Variants in ERG observed in about 807,000 individuals in gnomAD.
ERG encodes the protein transcriptional regulator ERG.
In ERG, 9 loss-of-function variants were observed where a neutral mutation model predicts 55.3. The ratio of observed to expected loss-of-function variants is 0.16; its 90% CI spans 0.10 to 0.28. The LOEUF (loss-of-function observed/expected upper bound fraction) is 0.28. ERG is among the 10% of genes least tolerant of loss of function. The pLI, the probability that ERG is intolerant of heterozygous loss-of-function variation, is 1.00. For synonymous variants in ERG, 223 were observed against 237.3 expected (o/e 0.94, Z 0.55); for missense variants, 434 against 631.6 (o/e 0.69, Z 3.35).
chr21:38,659,063 A>T (rs1186165299), intron 1 of ERG, among the ~76,000 whole-genome samples: 5 of 152,254 alleles, frequency 3.3e-5, no homozygotes, highest in Non-Finnish European at 5.9e-5. Context: ...AAGAAACTGG[A>T]ATTATAAGTG....
intron 3 of ERG, among the ~76,000 whole-genome samples, chr21:38,414,605 T>C (rs1005036228): frequency 1.3e-5 from 2 of 152,270 alleles, no homozygotes; most frequent in Non-Finnish European, 1.5e-5. Context: ...ATTATTATCA[T>C]CCATATTTTG....
chr21:38,413,193 T>G (rs572073007), intron 3 of ERG, among the ~76,000 whole-genome samples: 1 of 152,310 alleles, frequency 6.6e-6, no homozygotes, highest in Admixed American at 6.5e-5. Flanking sequence ...CTATTCTCAC[T>G]TTTTTCCTTA....
chr21:38,525,477 GA>G (rs1353086779), intron 2 of ERG, among the ~76,000 whole-genome samples: 1 of 152,106 alleles, frequency 6.6e-6, no homozygotes, highest in African/African-American at 2.4e-5. Flanking sequence ...CAGAGCACAT[GA>G]CCAGAAGCAC....
At chr21:38,394,333 A>G (rs533353957) in intron 6 of ERG, among the ~76,000 whole-genome samples, 4 of 152,230 alleles carry the variant, frequency 2.6e-5, no homozygotes, top group South Asian at 2.1e-4. Context: ...CTACTGCATC[A>G]AAATCAGCAT....
At chr21:38,557,423 A>G (rs1280515614) in intron 2 of ERG, among the ~76,000 whole-genome samples, 1 of 152,208 alleles carries the variant, frequency 6.6e-6, no homozygotes, top group Non-Finnish European at 1.5e-5. Flanking sequence ...GGCTTCACTC[A>G]GACAGTGCTT....
intron 1 of ERG, among the ~76,000 whole-genome samples, chr21:38,604,252 A>C (rs796066425): frequency 6.0e-4 from 67 of 111,720 alleles, no homozygotes; most frequent in East Asian, 1.8e-3. Context: ...AGACTCCGTC[A>C]AAAAAAAAAA....
chr21:38,427,587 C>T (rs1237020734), intron 2 of ERG, among the ~76,000 whole-genome samples: 1 of 152,096 alleles, frequency 6.6e-6, no homozygotes. Flanking sequence ...TGCGGGTGGC[C>T]CGAACTCTCC....
At chr21:38,376,824 T>A (rs1247491023), downstream of ERG, among the ~76,000 whole-genome samples, 1 of 152,210 alleles carries the variant, frequency 6.6e-6, no homozygotes, top group Admixed American at 6.5e-5. Flanking sequence ...GCACGTATCC[T>A]GTGTTCTCCA....
chr21:38,622,205 C>T (rs1482650518), intron 1 of ERG, among the ~76,000 whole-genome samples: 1 of 152,226 alleles, frequency 6.6e-6, no homozygotes. Flanking sequence ...TGTGGGCCTT[C>T]TCATGCTCCA....
chr21:38,641,450 T>C (rs1353501583), intron 1 of ERG, among the ~76,000 whole-genome samples: 1 of 152,160 alleles, frequency 6.6e-6, no homozygotes, highest in Admixed American at 6.5e-5. Flanking sequence ...GTACAGTATT[T>C]TGTTATAGCA....
chr21:38,638,323 C>T (rs998309000), intron 1 of ERG, among the ~76,000 whole-genome samples: 20 of 152,196 alleles, frequency 1.3e-4, no homozygotes, highest in Non-Finnish European at 2.4e-4. Context: ...ATTCTATAAG[C>T]GTGAGCTTCA....
intron 2 of ERG, among the ~76,000 whole-genome samples, chr21:38,548,614 ATTTTTTTTTTTTT>A (rs58333375): frequency 4.7e-5 from 5 of 107,182 alleles, no homozygotes; most frequent in African/African-American, 1.9e-4. Flanking sequence ...CGCCCGGCTA[ATTTTTTTTTTTTT>A]TTTTTTTTTT....
downstream of ERG, among the ~76,000 whole-genome samples, chr21:38,377,866 T>G (rs1309473570): frequency 6.6e-6 from 1 of 152,158 alleles, no homozygotes; most frequent in Non-Finnish European, 1.5e-5. Context: ...CCAACCACCC[T>G]CAGGACATGT....
intron 2 of ERG, among the ~76,000 whole-genome samples, chr21:38,535,157 T>A (rs1231891808): frequency 6.6e-6 from 1 of 152,012 alleles, no homozygotes; most frequent in Non-Finnish European, 1.5e-5. Flanking sequence ...AAGGACATTA[T>A]GCTGCGTGAA....
At chr21:38,598,885 C>T (rs540841722) in intron 1 of ERG, among the ~76,000 whole-genome samples, 1 of 152,298 alleles carries the variant, frequency 6.6e-6, no homozygotes, top group African/African-American at 2.4e-5. Context: ...ATAGAAGAGA[C>T]CAGAGACCTG....
chr21:38,516,935 C>A lies in ERG; in HGVS notation c.-41+58727G>T, dbSNP rs551224889. 1.8e-4 allele frequency among the ~76,000 whole-genome samples: 28 copies of A among 152,154 alleles called. No homozygotes were observed. In the South Asian group the frequency reaches 5.6e-3, roughly 30 times the overall value. The stretch of plus-strand genomic sequence containing the variant: ...CATATGCGAAAGAATAAAACTGGAC[C>A]TCTATCTCTTGCCATATATAAAAAT... On this transcript the variant is annotated intron_variant, in intron 2 of 8. Transcript: ENST00000398897.
intron 1 of ERG, among the ~76,000 whole-genome samples, chr21:38,453,564 T>C (rs528862065): frequency 6.6e-6 from 1 of 152,362 alleles, no homozygotes; most frequent in South Asian, 2.1e-4. Flanking sequence ...GTGATGTGAA[T>C]AGCTTCTTAT....
At chr21:38,528,006 C>T (rs1313298929) in intron 2 of ERG, among the ~76,000 whole-genome samples, 3 of 152,198 alleles carry the variant, frequency 2.0e-5, no homozygotes, top group Non-Finnish European at 4.4e-5. Flanking sequence ...AAGGTGTCAG[C>T]AGGGCTGGTT....
At chr21:38,427,592 C>T (rs186271766) in intron 2 of ERG, among the ~76,000 whole-genome samples, 73 of 152,270 alleles carry the variant, frequency 4.8e-4, no homozygotes, top group African/African-American at 1.7e-3. Context: ...GTGGCCCGAA[C>T]TCTCCATCCC....
Sources: gnomAD v4.1 joint callset for allele counts (sites outside exome capture counted in the v4.1 genomes callset) on GRCh38, gnomAD v4.1.1 for gene constraint, MANE v1.5 for transcripts, NCBI Gene and HGNC (gene_info 2026-07-23, HGNC 2026-07-21) for gene names.